Variants in SVOPL observed in about 807,000 individuals in gnomAD.
The protein encoded by SVOPL is SVOP like.
Under a neutral mutation model 61.0 loss-of-function variants are expected in SVOPL, and 60 were observed. That is an observed-to-expected ratio of 0.98 (90% confidence interval 0.80 to 1.22). The LOEUF (loss-of-function observed/expected upper bound fraction) is 1.22. SVOPL is among the 50% of genes most tolerant of loss of function. The probability of loss-of-function intolerance (pLI) is 0.00; values close to 1 mark genes in which losing one functional copy is unlikely to be tolerated. For missense variants in SVOPL, 662 were observed against 643.9 expected, an observed-to-expected ratio of 1.03 and a Z score of -0.30; for synonymous variants, 279 against 250.0, an observed-to-expected ratio of 1.12 and a Z score of -1.09.
intron 4 of SVOPL, chr7:138,664,121 C>G: frequency 1.3e-6 from 1 of 778,420 alleles, no homozygotes; most frequent in Non-Finnish European, 1.6e-6. Flanking sequence ...CCAGCTCTCC[C>G]TCTGCCTCCC....
rs1160973200 is a variant in SVOPL at position 138,621,089 on chromosome 7, G to A, written c.1310C>T (p.Ser437Phe). ...MRALGMGTSG[S>F]LCRIGAMVAP... Reference sequence around the variant, plus strand: ...CACCATTGCACCAATGCGACACAGGGAGCCGCTGGTTCCCATCCCCAAAGC... The same window carrying A: ...CACCATTGCACCAATGCGACACAGGAAGCCGCTGGTTCCCATCCCCAAAGC... The change falls in exon 14 of 16, where the codon TCC becomes TTC. Residue 437 changes from serine to phenylalanine, a missense_variant. Coordinates refer to ENST00000674285, the MANE Select transcript of SVOPL (RefSeq NM_001139456.2). 1 of 1,613,694 alleles carries A rather than the reference G, an allele frequency of 6.2e-7. No individual in the cohort carries two copies. The highest frequency in any genetic ancestry group is 8.5e-7 in the Non-Finnish European group (1 of 1,179,852).
chr7:138,619,464 A>T lies in SVOPL; in HGVS notation c.1353+1582T>A, dbSNP rs78225659. ...TAGGTTCTTTTCTGAAAATGATGAA[A>T]TAAGTATTAAGGAATTTTGAAAAGT... On this transcript the variant is annotated intron_variant, in intron 14 of 15. Coordinates refer to ENST00000674285, the MANE Select transcript of SVOPL (RefSeq NM_001139456.2). 8.7e-3 allele frequency among the ~76,000 whole-genome samples: 1,312 copies of T among 151,550 alleles called. 19 individuals carry two copies. Among genetic ancestry groups the T allele is most frequent in the African/African-American group, 0.03 (1,226 of 41,342 alleles).
chr7:138,622,501 C>T (rs1219628284), intron 13 of SVOPL, among the ~76,000 whole-genome samples: 3 of 150,772 alleles, frequency 2.0e-5, no homozygotes, highest in African/African-American at 7.4e-5. Flanking sequence ...GGCGGGGGGT[C>T]TCTCCAAGTT....
chr7:138,666,750 T>G (rs1026644711), intron 4 of SVOPL, among the ~76,000 whole-genome samples: 1 of 152,192 alleles, frequency 6.6e-6, no homozygotes, highest in East Asian at 1.9e-4. Context: ...ATTTTAATGC[T>G]AAAACCCTGC....
In SVOPL at chr7:138,658,981, G is replaced by A. The variant is rs568093099; in HGVS notation, c.470+883C>T. Among the ~76,000 whole-genome samples, 9 of 148,010 alleles carry A rather than the reference G, an allele frequency of 6.1e-5. 1 individual carries two copies. The East Asian group carries it at 1.3e-3, about 21-fold the overall frequency. On this transcript the variant is annotated intron_variant, in intron 6 of 15. Transcript: ENST00000674285. Reference sequence around the variant, plus strand: ...AACCTGAAAGACTGGTTCAGGCCACGACAGGAAGTGGGGTCGGACATGCCT... The same window carrying A: ...AACCTGAAAGACTGGTTCAGGCCACAACAGGAAGTGGGGTCGGACATGCCT...
chr7:138,648,273 G>A (rs1227371598), intron 8 of SVOPL, among the ~76,000 whole-genome samples: 1 of 152,038 alleles, frequency 6.6e-6, no homozygotes, highest in Non-Finnish European at 1.5e-5. Flanking sequence ...GGAGGTGAGG[G>A]CTGCCCGCTG....
At chr7:138,618,289 G>A (rs1313827805) in intron 14 of SVOPL, among the ~76,000 whole-genome samples, 1 of 152,126 alleles carries the variant, frequency 6.6e-6, no homozygotes, top group African/African-American at 2.4e-5. Flanking sequence ...TGGGTTAATT[G>A]CTTTACATTT....
rs571760876 is a variant in SVOPL at position 138,605,985 on chromosome 7, T to C, written c.1354-9455A>G. 6.7e-5 allele frequency among the ~76,000 whole-genome samples: 10 copies of C among 149,518 alleles called. No individual in the cohort carries two copies. In the South Asian group the frequency reaches 2.0e-3, roughly 29 times the overall value. ...TAAAATAGTTGAATACAAATAAATTTTTTTTTAAATTGTTTTTTTCTATTT... is the reference window on the plus strand; with the variant it reads ...TAAAATAGTTGAATACAAATAAATTCTTTTTTAAATTGTTTTTTTCTATTT... On this transcript the variant is annotated intron_variant, in intron 14 of 15. Coordinates refer to ENST00000674285, the MANE Select transcript of SVOPL (RefSeq NM_001139456.2).
rs769493819 is a variant in SVOPL at position 138,656,462 on chromosome 7, A to T, written c.520T>A (p.Leu174Ile). ...CGTTGCCTTACCTGAGACAAGGGTA[A>T]CATATAGCCTCGGTATTTCGTGGGC... ...FLPTKYRGYMLPLSQVFWLAG... is the reference protein window; with the variant it reads ...FLPTKYRGYMIPLSQVFWLAG... Residue 174 changes from leucine (L) to isoleucine (I), a missense_variant, in exon 7 of 16, where the codon TTA (leucine) becomes ATA (isoleucine). Coordinates refer to ENST00000674285, the MANE Select transcript of SVOPL (RefSeq NM_001139456.2). The T allele has an allele frequency of 4.3e-6, 7 of 1,614,108 alleles. No individual in the cohort carries two copies. In the Admixed American group the frequency reaches 1.2e-4, roughly 27 times the overall value.
chr7:138,636,723 G>A (rs148041511), intron 9 of SVOPL, among the ~76,000 whole-genome samples: 2,133 of 151,896 alleles, frequency 0.014, 46 homozygotes, highest in African/African-American at 0.049. Flanking sequence ...CACCCACCTC[G>A]GCCTCCCAAA....
At chr7:138,677,743 C>CTTTTTTTTTTTTTTTTTCATTTT (rs34687538) in intron 3 of SVOPL, among the ~76,000 whole-genome samples, 1 of 134,728 alleles carries the variant, frequency 7.4e-6, no homozygotes, top group Non-Finnish European at 1.6e-5. Flanking sequence ...TCTACACAAT[C>CTTTTTTTTTTTTTTTTTCATTTT]TTTTTTTTTT....
intron 7 of SVOPL, among the ~76,000 whole-genome samples, chr7:138,653,899 C>T (rs557823765): frequency 2.9e-4 from 43 of 150,486 alleles, no homozygotes; most frequent in African/African-American, 8.8e-4. Context: ...TGCCACCACA[C>T]TCCAGCCTGG....
At chr7:138,635,165 G>A (rs938188328) in intron 9 of SVOPL, among the ~76,000 whole-genome samples, 2 of 151,884 alleles carry the variant, frequency 1.3e-5, no homozygotes, top group Admixed American at 6.6e-5. Flanking sequence ...CCAGCTACTT[G>A]GGAGGCTGAG....
chr7:138,661,985 C>T, intron 5 of SVOPL: 1 of 985,460 alleles, frequency 1.0e-6, no homozygotes, highest in Non-Finnish European at 1.2e-6. Flanking sequence ...TGCATGAACC[C>T]ACTGCGTTCC....
Position 138,663,058 on chromosome 7 carries a change from G to C in SVOPL, c.345+16C>G, listed in dbSNP as rs777453705. ...ACAAAAGACAATTCCAAATGCTACT[G>C]TGAGGCCCCACCTACCTTCCAGCGG... On this transcript the variant is annotated intron_variant, in intron 5 of 15. Coordinates refer to ENST00000674285, the MANE Select transcript of SVOPL (RefSeq NM_001139456.2). 6.2e-7 allele frequency: 1 copy of C among 1,614,140 alleles called. No homozygotes were observed. The highest frequency in any genetic ancestry group is 1.1e-5 in the South Asian group (1 of 91,058).
At chr7:138,620,824 G>C (rs951867467) in intron 14 of SVOPL, among the ~76,000 whole-genome samples, 12 of 152,150 alleles carry the variant, frequency 7.9e-5, no homozygotes, top group African/African-American at 2.7e-4. Flanking sequence ...AGCAAACCCT[G>C]AACGCAATGC....
At chr7:138,630,505 T>TA (rs753779854) in intron 9 of SVOPL, among the ~76,000 whole-genome samples, 1 of 152,100 alleles carries the variant, frequency 6.6e-6, no homozygotes, top group African/African-American at 2.4e-5. Flanking sequence ...ACTCTTATAT[T>TA]AAAAAAGAGT....
intron 14 of SVOPL, among the ~76,000 whole-genome samples, chr7:138,620,673 C>G (rs1381362078): frequency 6.6e-6 from 1 of 152,118 alleles, no homozygotes; most frequent in African/African-American, 2.4e-5. Flanking sequence ...CTCTCGGGCT[C>G]TGTTTTACAG....
chr7:138,646,529 T>A (rs1375892691), intron 8 of SVOPL: 1 of 153,158 alleles, frequency 6.5e-6, no homozygotes, highest in African/African-American at 2.4e-5. Flanking sequence ...GGTTTTTTGT[T>A]TTTTTGAGAG....
Sources: gnomAD v4.1 joint callset for allele counts (sites outside exome capture counted in the v4.1 genomes callset) on GRCh38, gnomAD v4.1.1 for gene constraint, MANE v1.5 for transcripts, NCBI Gene and HGNC (gene_info 2026-07-23, HGNC 2026-07-21) for gene names.